Variants in KSR2 observed in about 807,000 individuals in gnomAD.
The protein encoded by KSR2 is kinase suppressor of ras 2.
A neutral mutation model predicts 107.8 loss-of-function variants in KSR2; 25 were observed. The ratio of observed to expected loss-of-function variants is 0.23; its 90% CI spans 0.17 to 0.32. The LOEUF (loss-of-function observed/expected upper bound fraction) is 0.32, where lower values mean the gene tolerates loss of function less well. Among genes scored for constraint, KSR2 ranks in the 10% least tolerant of loss-of-function variants. KSR2 has a pLI of 1.00. For synonymous variants in KSR2, 480 were observed against 507.0 expected (o/e 0.95, Z 0.71); for missense variants, 887 against 1,268.9 (o/e 0.70, Z 4.57).
intron 3 of KSR2, among the ~76,000 whole-genome samples, chr12:117,777,088 T>TTTTATATATA (rs1396346422): frequency 3.0e-5 from 4 of 132,568 alleles, no homozygotes; most frequent in South Asian, 2.3e-4. Flanking sequence ...TATATATATT[T>TTTTATATATA]TATATATATA....
intron 4 of KSR2, among the ~76,000 whole-genome samples, chr12:117,673,444 G>C (rs572186578): frequency 2.0e-5 from 3 of 152,132 alleles, no homozygotes; most frequent in East Asian, 1.9e-4. Context: ...AGAATGGAAG[G>C]ATGGACAGAT....
chr12:117,725,422 C>A (rs1887387495), intron 4 of KSR2, among the ~76,000 whole-genome samples: 1 of 152,138 alleles, frequency 6.6e-6, no homozygotes, highest in Non-Finnish European at 1.5e-5. Context: ...GATATCAAGT[C>A]ATTCAATGAG....
At chr12:117,688,865 C>T (rs190393479) in intron 4 of KSR2, among the ~76,000 whole-genome samples, 5 of 152,326 alleles carry the variant, frequency 3.3e-5, no homozygotes, top group Non-Finnish European at 7.3e-5. Flanking sequence ...ATGTCAAACT[C>T]TAGACACCCG....
At chr12:117,587,413 G>A (rs11068555) in intron 5 of KSR2, among the ~76,000 whole-genome samples, 8,630 of 152,058 alleles carry the variant, frequency 0.057, 538 homozygotes, top group East Asian at 0.19. Context: ...GAAGGAGGAG[G>A]GGGGACAGCA....
intron 5 of KSR2, among the ~76,000 whole-genome samples, chr12:117,585,172 C>G (rs1482909275): frequency 6.6e-6 from 1 of 151,946 alleles, no homozygotes; most frequent in African/African-American, 2.4e-5. Flanking sequence ...ATTAAACATC[C>G]CAAAATGTCA....
chr12:117,574,661 T>A (rs2136224708), intron 7 of KSR2, among the ~76,000 whole-genome samples: 1 of 152,234 alleles, frequency 6.6e-6, no homozygotes, highest in Admixed American at 6.5e-5. Context: ...GGAGCTACAA[T>A]TCAAGATGAG....
At chr12:117,529,527 A>C (rs1462958253) in intron 12 of KSR2, among the ~76,000 whole-genome samples, 1 of 151,890 alleles carries the variant, frequency 6.6e-6, no homozygotes, top group Non-Finnish European at 1.5e-5. Context: ...AGGTGACTTC[A>C]CTTCTGCTGC....
At chr12:117,473,120 C>T (rs1251395279) in intron 17 of KSR2, among the ~76,000 whole-genome samples, 3 of 152,188 alleles carry the variant, frequency 2.0e-5, no homozygotes, top group African/African-American at 7.2e-5. Flanking sequence ...CCTGCCTCCC[C>T]TGCTCCTTCC....
At chr12:117,952,965 A>AAC (rs1213822160) in intron 1 of KSR2, among the ~76,000 whole-genome samples, 1 of 140,922 alleles carries the variant, frequency 7.1e-6, no homozygotes, top group Non-Finnish European at 1.5e-5. Context: ...AGCCTGGGCA[A>AAC]TAGAGTGAGA....
chr12:117,555,172 G>A lies in KSR2; in HGVS notation c.1515C>T (p.Asn505=). 6.2e-7 allele frequency: 1 copy of A among 1,613,920 alleles called. No homozygotes were observed. The highest frequency in any genetic ancestry group is 8.5e-7 in the Non-Finnish European group (1 of 1,179,872). The change falls in exon 9 of 20, where the codon AAC becomes AAT. Residue 505 remains asparagine (N), a synonymous_variant. Transcript: ENST00000339824. ...SQTLPKTNKI[N]KDHIPVPYQP... Reference sequence around the variant, plus strand: ...CCCAGGGGAAGCCCAGCCTTACCTTGTTGATTTTGTTGGTTTTGGGGAGCG... The same window carrying A: ...CCCAGGGGAAGCCCAGCCTTACCTTATTGATTTTGTTGGTTTTGGGGAGCG...
At chr12:117,498,657 A>C (rs1873186667) in intron 14 of KSR2, among the ~76,000 whole-genome samples, 1 of 152,144 alleles carries the variant, frequency 6.6e-6, no homozygotes, top group Non-Finnish European at 1.5e-5. Flanking sequence ...TGTAGCTCCC[A>C]TAATCCCCAT....
At chr12:117,822,511 C>A (rs570490380) in intron 3 of KSR2, among the ~76,000 whole-genome samples, 191 of 152,304 alleles carry the variant, frequency 1.3e-3, no homozygotes, top group Non-Finnish European at 2.4e-3. Flanking sequence ...TTAATACAGC[C>A]AACCTACCAC....
chr12:117,645,227 G>A (rs892054773), intron 5 of KSR2, among the ~76,000 whole-genome samples: 2 of 152,226 alleles, frequency 1.3e-5, no homozygotes, highest in African/African-American at 2.4e-5. Context: ...TGAAGAAAGA[G>A]AAAGAATGTG....
chr12:117,704,731 C>T (rs550737359), intron 4 of KSR2, among the ~76,000 whole-genome samples: 5 of 151,942 alleles, frequency 3.3e-5, no homozygotes, highest in African/African-American at 7.3e-5. Flanking sequence ...TGGTGGCACA[C>T]GCTTGTAGTC....
chr12:117,576,097 T>C (rs1310700316), intron 7 of KSR2, among the ~76,000 whole-genome samples: 1 of 152,214 alleles, frequency 6.6e-6, no homozygotes, highest in Non-Finnish European at 1.5e-5. Context: ...TCATGACTTT[T>C]AGAACAGAGA....
chr12:117,717,148 T>C (rs1438850061), intron 4 of KSR2, among the ~76,000 whole-genome samples: 1 of 152,214 alleles, frequency 6.6e-6, no homozygotes, highest in African/African-American at 2.4e-5. Flanking sequence ...ATCTTTCCAG[T>C]AACAATGATG....
rs558389466 is a variant in KSR2, at chr12:117,862,468, C to T, written c.181-2037G>A. Among the ~76,000 whole-genome samples, 8 of 152,050 alleles carry T rather than the reference C, an allele frequency of 5.3e-5. No homozygotes were observed. In the South Asian group the frequency reaches 6.2e-4, roughly 12 times the overall value. ...ACTGCTTGAGCCCAGGAGTTTGAGACCAGCCTGGGCTATATGGTGAAACCC... is the reference window on the plus strand; with the variant it reads ...ACTGCTTGAGCCCAGGAGTTTGAGATCAGCCTGGGCTATATGGTGAAACCC... On this transcript the variant is annotated intron_variant, in intron 1 of 19. Coordinates refer to ENST00000339824, the MANE Select transcript of KSR2 (RefSeq NM_173598.6).
chr12:117,920,363 G>A (rs1895303902), intron 1 of KSR2, among the ~76,000 whole-genome samples: 2 of 149,938 alleles, frequency 1.3e-5, no homozygotes, highest in Non-Finnish European at 3.0e-5. Flanking sequence ...ACCTCCCAAA[G>A]TGCTGAGATT....
intron 4 of KSR2, among the ~76,000 whole-genome samples, chr12:117,747,581 C>T (rs1042384113): frequency 6.7e-6 from 1 of 149,036 alleles, no homozygotes; most frequent in Admixed American, 6.7e-5. Context: ...GCACATGTAT[C>T]CCGGAACTTA....
Sources: allele counts gnomAD v4.1 joint callset (sites outside exome capture counted in the v4.1 genomes callset), GRCh38; gene constraint gnomAD v4.1.1; transcripts MANE v1.5; gene names NCBI Gene and HGNC (gene_info 2026-07-23, HGNC 2026-07-21).